RAB5C: variants seen among roughly 807,000 people sequenced by gnomAD.
The protein encoded by RAB5C is ras-related protein Rab-5C.
A neutral mutation model predicts 25.2 loss-of-function variants in RAB5C; 4 were observed. That is an observed-to-expected ratio of 0.16 (90% CI 0.08 to 0.36). The LOEUF is 0.36. Ranked by LOEUF, RAB5C falls within the 10% of genes least tolerant of loss-of-function variation. The pLI, the probability that RAB5C is intolerant of heterozygous loss-of-function variation, is 1.00. For missense variants in RAB5C, 199 were observed against 283.8 expected (o/e 0.70, Z 2.15); for synonymous variants, 100 against 106.4 (o/e 0.94, Z 0.37).
At chr17:42,127,871 G>C (rs1316020682) in intron 4 of RAB5C, among the ~76,000 whole-genome samples, 3 of 150,428 alleles carry the variant, frequency 2.0e-5, no homozygotes, top group Admixed American at 2.0e-4. Flanking sequence ...CTCTTGCTCA[G>C]GCTGGAGTGC....
rs1028172671 is a variant in RAB5C at position 42,128,308 on chromosome 17, C to T, written c.394G>A (p.Ala132Thr). Residue 132 changes from alanine to threonine, a missense_variant, in exon 4 of 6, where the codon GCG becomes ACG. Physicochemically the swap from Ala to Thr is moderately conservative, Grantham distance 58 (BLOSUM62 0). Around this residue, in one of 3 missense-constraint regions of RAB5C, gnomAD observed 154 missense variants for 199.6 expected, o/e 0.77. Coordinates refer to ENST00000346213, the MANE Select transcript of RAB5C (RefSeq NM_004583.4). ...QASPNIVIAL[A>T]GNKADLASKR... is the part of the protein sequence containing the mutation. ...CTGGCCAGGTCTGCCTTGTTACCCG[C>T]GAGTGCAATGACGATGTTGGGGCTG... The T allele has an allele frequency of 3.1e-6, 5 of 1,614,128 alleles. No individual in the cohort carries two copies. Among genetic ancestry groups the T allele is most frequent in the East Asian group, 2.2e-5 (1 of 44,878 alleles).
chr17:42,134,982 T>G (rs2054522078), intron 1 of RAB5C, among the ~76,000 whole-genome samples: 2 of 67,276 alleles, frequency 3.0e-5, no homozygotes. Flanking sequence ...TTTCTTAAGT[T>G]TTTTTTTTTT....
chr17:42,131,600 T>G, intron 1 of RAB5C: 1 of 1,533,272 alleles, frequency 6.5e-7, no homozygotes, highest in Non-Finnish European at 8.7e-7. Flanking sequence ...CCTTTTTCAA[T>G]AGAGACCTCA....
intron 1 of RAB5C, among the ~76,000 whole-genome samples, chr17:42,148,883 C>G (rs2079653173): frequency 6.6e-6 from 1 of 152,166 alleles, no homozygotes; most frequent in Admixed American, 6.5e-5. Flanking sequence ...GTCCCCCACT[C>G]TAACATGGGG....
At chr17:42,132,007 C>T (rs2144068876) in intron 1 of RAB5C, among the ~76,000 whole-genome samples, 1 of 152,264 alleles carries the variant, frequency 6.6e-6, no homozygotes, top group Non-Finnish European at 1.5e-5. Context: ...ATAATGGAGT[C>T]TAAGATCCCA....
chr17:42,125,939 C>CCAACA, intron 5 of RAB5C, 41 bp from the exon 6 acceptor site: 5 of 1,454,138 alleles, frequency 3.4e-6, no homozygotes, highest in Non-Finnish European at 4.7e-6. Flanking sequence ...GGGGGTACCC[C>CCAACA]AATAACTCTC....
intron 1 of RAB5C, among the ~76,000 whole-genome samples, chr17:42,148,272 G>GTACAC (rs1264798978): frequency 1.3e-5 from 2 of 151,888 alleles, no homozygotes; most frequent in Middle Eastern, 3.2e-3. Flanking sequence ...GGGCGTGGTG[G>GTACAC]TACACACCTG....
chr17:42,142,449 CAAAG>C (rs2079608960), intron 1 of RAB5C, among the ~76,000 whole-genome samples: 1 of 152,302 alleles, frequency 6.6e-6, no homozygotes, highest in African/African-American at 2.4e-5. Context: ...GAGCAGCTGA[CAAAG>C]AAAGCAGAGT....
chr17:42,137,254 G>A (rs555931574), intron 1 of RAB5C, among the ~76,000 whole-genome samples: 36 of 150,192 alleles, frequency 2.4e-4, no homozygotes, highest in Non-Finnish European at 4.3e-4. Context: ...TGTGGTGAGC[G>A]AAGATCGCAC....
intron 5 of RAB5C, 124 bp downstream of exon 5, chr17:42,126,631 C>CAA (rs71357528): frequency 0.026 from 2,191 of 84,446 alleles, 343 homozygotes; most frequent in African/African-American, 0.11. Context: ...GACTCCATCT[C>CAA]AAAAAAAAAA....
Position 42,125,708 on chromosome 17 carries a change from T to G in RAB5C, c.*75A>C. 9.4e-7 allele frequency: 1 copy of G among 1,059,842 alleles called. No individual in the cohort carries two copies. The highest frequency in any genetic ancestry group is 1.4e-6 in the Non-Finnish European group (1 of 717,010). The allele number at this position is 1,059,842 out of a possible 1,614,324, so 65.7% of individuals were successfully genotyped here. ...CCCAGTGGTGGCCCGAGTCGTTAAG[T>G]GCGATTGGTTAGAGTGGATTCCAGT... On this transcript the variant is annotated 3_prime_UTR_variant, in exon 6 of 6. Transcript: ENST00000346213.
intron 1 of RAB5C, chr17:42,131,680 G>C (rs1309811334): frequency 3.5e-6 from 5 of 1,424,064 alleles, no homozygotes; most frequent in Admixed American, 4.0e-5. Context: ...GGAGGGCAGA[G>C]ACCAAGTCCT....
At chr17:42,135,786 G>A (rs972043482) in intron 1 of RAB5C, among the ~76,000 whole-genome samples, 1 of 152,182 alleles carries the variant, frequency 6.6e-6, no homozygotes, top group Admixed American at 6.5e-5. Flanking sequence ...CCTGGTAAAA[G>A]GGTGAGCAAT....
rs771354020 is a variant in RAB5C, at chr17:42,147,124, CAGAA to C, written c.-89+7765_-89+7768del. On this transcript the variant is annotated intron_variant, in intron 1 of 5. Coordinates refer to ENST00000346213, the MANE Select transcript of RAB5C (RefSeq NM_004583.4). ...GGAAAGACAGAAAGAAAGAAAGAAACAGAAAGAAAGAAAGAAAGAAAGAGAGAGA... is the reference window on the plus strand; with the variant it reads ...GGAAAGACAGAAAGAAAGAAAGAAACAGAAAGAAAGAAAGAAAGAGAGAGA... Among the ~76,000 whole-genome samples, 1,174 of 145,818 alleles carry C rather than the reference CAGAA, an allele frequency of 8.1e-3. 10 individuals are homozygous for C. The highest frequency in any genetic ancestry group is 0.023 in the African/African-American group (928 of 39,608).
chr17:42,141,129 T>C (rs898093804), intron 1 of RAB5C, among the ~76,000 whole-genome samples: 42 of 152,222 alleles, frequency 2.8e-4, no homozygotes, highest in African/African-American at 9.9e-4. Context: ...GTGTCTGCCA[T>C]CTTTCTTAAT....
intron 1 of RAB5C, among the ~76,000 whole-genome samples, chr17:42,142,068 C>G (rs1456914929): frequency 6.6e-6 from 1 of 151,862 alleles, no homozygotes; most frequent in Non-Finnish European, 1.5e-5. Flanking sequence ...CCTCCAGAGA[C>G]TAGCTCCCAA....
chr17:42,144,314 G>C (rs140989424), intron 1 of RAB5C, among the ~76,000 whole-genome samples: 1 of 151,644 alleles, frequency 6.6e-6, no homozygotes, highest in Non-Finnish European at 1.5e-5. Context: ...AAAATTAGCC[G>C]GGCATGGTGG....
At chr17:42,131,779 G>C in intron 1 of RAB5C, 1 of 610,388 alleles carries the variant, frequency 1.6e-6, no homozygotes, top group Non-Finnish European at 2.8e-6. Context: ...TTTTTGTTAA[G>C]TTTTGGAATT....
chr17:42,125,798 C>G lies in RAB5C; in HGVS notation c.636G>C (p.Gln212His), dbSNP rs148379399. 6.2e-7 allele frequency: 1 copy of G among 1,605,430 alleles called. No homozygotes were observed. The highest frequency in any genetic ancestry group is 1.3e-5 in the African/African-American group (1 of 74,816). Reference protein sequence around the residue: ...LQENNPASRSQCCSN With the variant: ...LQENNPASRSHCCSN ...CAAGGGGGGCTCAGTTGCTGCAGCA[C>G]TGGCTCCGGCTGGCTGGGTTGTTCT... Residue 212 changes from glutamine to histidine, a missense_variant, in exon 6 of 6, where the codon CAG (glutamine) becomes CAC (histidine). Gln to His is a conservative substitution (Grantham distance 24, BLOSUM62 0). Coordinates refer to ENST00000346213, the MANE Select transcript of RAB5C (RefSeq NM_004583.4).
Sources: gnomAD v4.1 joint callset for allele counts (sites outside exome capture counted in the v4.1 genomes callset) on GRCh38, gnomAD v4.1.1 for gene constraint, gnomAD v4.1.1 regional missense constraint, MANE v1.5 for transcripts, NCBI Gene and HGNC (gene_info 2026-07-23, HGNC 2026-07-21) for gene names.